Variants in TRPS1 observed in about 807,000 individuals in gnomAD.
TRPS1 encodes zinc finger transcription factor Trps1.
Under a neutral mutation model 101.2 loss-of-function variants are expected in TRPS1, and 6 were observed. That is an observed-to-expected ratio of 0.06 (90% confidence interval 0.03 to 0.12). The LOEUF (loss-of-function observed/expected upper bound fraction) is 0.12, where lower values mean the gene tolerates loss of function less well. TRPS1 is among the 10% of genes least tolerant of loss of function. The pLI is 1.00. For missense variants in TRPS1, 1,363 were observed against 1,567.0 expected, an observed-to-expected ratio of 0.87 and a Z score of 2.20; for synonymous variants, 578 against 589.8, an observed-to-expected ratio of 0.98 and a Z score of 0.29.
intron 5 of TRPS1, among the ~76,000 whole-genome samples, chr8:115,460,630 C>T (rs1346316794): frequency 6.1e-5 from 9 of 147,962 alleles, no homozygotes; most frequent in Admixed American, 6.0e-4. Context: ...AAAGCAGTCA[C>T]TGACATGATC....
intron 5 of TRPS1, among the ~76,000 whole-genome samples, chr8:115,477,617 CATA>C (rs1814638204): frequency 6.6e-6 from 1 of 152,158 alleles, no homozygotes; most frequent in African/African-American, 2.4e-5. Flanking sequence ...AGCTTAGACT[CATA>C]ATGTTAGAAC....
chr8:115,414,452 T>C lies in TRPS1; in HGVS notation c.3456A>G (p.Gln1152=), dbSNP rs371525733. The change falls in exon 7 of 7, where the codon CAA becomes CAG. Residue 1152 remains glutamine, a synonymous_variant. Coordinates refer to ENST00000395715, the MANE Select transcript of TRPS1 (RefSeq NM_014112.5). This position sits in a 1 kb window ranked among gnomAD's most constrained non-coding sequence, Gnocchi z 4.8. The part of the protein sequence containing the change: ...SHVPGLPNPC[Q]NYVPYPTFNL... The stretch of plus-strand genomic sequence containing the variant: ...TGAAGGTGGGATAAGGCACATAGTT[T>C]TGGCAAGGATTTGGTAGGCCAGGCA... The C allele has an allele frequency of 1.1e-5, 17 of 1,613,810 alleles. No individual in the cohort carries two copies. The highest frequency in any genetic ancestry group is 1.4e-5 in the Non-Finnish European group (16 of 1,179,942).
intron 6 of TRPS1, among the ~76,000 whole-genome samples, chr8:115,417,658 A>G (rs566792634): frequency 6.6e-6 from 1 of 152,304 alleles, no homozygotes; most frequent in South Asian, 2.1e-4. Context: ...GAGGAAAAGT[A>G]ATTCAAAGAA....
At position 115,418,653 on chromosome 8, in the gene TRPS1, T is replaced by C. The variant is rs1035546135; in HGVS notation, c.2701-201A>G. 6.6e-6 allele frequency among the ~76,000 whole-genome samples: 1 copy of C among 152,212 alleles called. No homozygotes were observed. The highest frequency in any genetic ancestry group is 1.5e-5 in the Non-Finnish European group (1 of 68,036). On this transcript the variant is annotated intron_variant, in intron 5 of 6. Coordinates refer to ENST00000395715, the MANE Select transcript of TRPS1 (RefSeq NM_014112.5). The surrounding 1 kb of genome is among the most constrained non-coding windows in gnomAD (Gnocchi z 4.3). Reference sequence around the variant, plus strand: ...ATTAACCCTACAGTGATGGATGAGGTGTGTGGAACACCAAAGGCTTTTCAC... The same window carrying C: ...ATTAACCCTACAGTGATGGATGAGGCGTGTGGAACACCAAAGGCTTTTCAC...
At chr8:115,641,744 G>A (rs1436411572) in intron 1 of TRPS1, among the ~76,000 whole-genome samples, 1 of 152,158 alleles carries the variant, frequency 6.6e-6, no homozygotes, top group African/African-American at 2.4e-5. Context: ...GCTGAGCATG[G>A]TGGCGCATGC....
chr8:115,609,072 C>G (rs999189163), intron 3 of TRPS1, among the ~76,000 whole-genome samples: 1 of 152,126 alleles, frequency 6.6e-6, no homozygotes, highest in Non-Finnish European at 1.5e-5. Context: ...GTCTTGAACT[C>G]CTGGGCTCAA....
intron 5 of TRPS1, among the ~76,000 whole-genome samples, chr8:115,462,138 T>C (rs1814196367): frequency 1.3e-5 from 2 of 152,180 alleles, no homozygotes; most frequent in Admixed American, 1.3e-4. Context: ...GGAAATATGA[T>C]CTTACTCTCA....
intron 4 of TRPS1, among the ~76,000 whole-genome samples, chr8:115,592,264 A>C (rs2130458366): frequency 6.6e-6 from 1 of 152,250 alleles, no homozygotes; most frequent in African/African-American, 2.4e-5. Flanking sequence ...CAAAGTCCTC[A>C]AATGACACCA....
intron 4 of TRPS1, among the ~76,000 whole-genome samples, chr8:115,595,340 G>A (rs1388880457): frequency 1.3e-5 from 2 of 151,852 alleles, no homozygotes; most frequent in African/African-American, 2.4e-5. Flanking sequence ...CAGGAACAAA[G>A]ACAAAAACAG....
chr8:115,572,667 A>G (rs771358459), intron 5 of TRPS1, among the ~76,000 whole-genome samples: 13 of 152,202 alleles, frequency 8.5e-5, no homozygotes, highest in Non-Finnish European at 1.5e-4. Flanking sequence ...AATGAATGTT[A>G]GTTAATTTGG....
intron 4 of TRPS1, among the ~76,000 whole-genome samples, chr8:115,593,678 C>G (rs1247857598): frequency 6.6e-6 from 1 of 152,120 alleles, no homozygotes; most frequent in African/African-American, 2.4e-5. Context: ...TTTGGACTCT[C>G]CTCCAACCTA....
intron 1 of TRPS1, among the ~76,000 whole-genome samples, chr8:115,626,599 T>G (rs1040088721): frequency 1.3e-5 from 2 of 151,834 alleles, no homozygotes; most frequent in Admixed American, 6.6e-5. Flanking sequence ...TTGAACATCT[T>G]AAATCTTGTT....
At chr8:115,461,687 T>C (rs1349393660) in intron 5 of TRPS1, among the ~76,000 whole-genome samples, 2 of 152,176 alleles carry the variant, frequency 1.3e-5, no homozygotes, top group Non-Finnish European at 2.9e-5. Context: ...CCTTTTAAGT[T>C]GAAACATATT....
chr8:115,455,323 C>T (rs549016555), intron 5 of TRPS1, among the ~76,000 whole-genome samples: 1 of 152,174 alleles, frequency 6.6e-6, no homozygotes, highest in Non-Finnish European at 1.5e-5. Context: ...TAGGAGTTCA[C>T]GTACTTAATG....
intron 3 of TRPS1, among the ~76,000 whole-genome samples, chr8:115,616,864 A>G (rs1337843127): frequency 6.6e-6 from 1 of 152,204 alleles, no homozygotes; most frequent in African/African-American, 2.4e-5. Context: ...AATCTCTCAA[A>G]TAGCATTTCA....
chr8:115,466,444 T>C (rs532578640), intron 5 of TRPS1, among the ~76,000 whole-genome samples: 27 of 152,292 alleles, frequency 1.8e-4, no homozygotes, highest in African/African-American at 6.0e-4. Flanking sequence ...AGAGCTTGAT[T>C]GTATTTCTGA....
chr8:115,480,488 A>ATT (rs1814724635), intron 5 of TRPS1, among the ~76,000 whole-genome samples: 1 of 152,124 alleles, frequency 6.6e-6, no homozygotes, highest in Non-Finnish European at 1.5e-5. Flanking sequence ...TTAATAAGGC[A>ATT]TGAGAAACCT....
chr8:115,534,574 G>A (rs1816235710), intron 5 of TRPS1, among the ~76,000 whole-genome samples: 1 of 152,204 alleles, frequency 6.6e-6, no homozygotes, highest in Admixed American at 6.5e-5. Flanking sequence ...ATAACACATG[G>A]CAAAGGACTG....
intron 6 of TRPS1, among the ~76,000 whole-genome samples, chr8:115,417,558 TAA>T (rs780193395): frequency 6.8e-6 from 1 of 147,310 alleles, no homozygotes; most frequent in Non-Finnish European, 1.5e-5. Flanking sequence ...CTTGCTAAAC[TAA>T]AAAAAAAAAT....
Sources: gnomAD v4.1 joint callset for allele counts (sites outside exome capture counted in the v4.1 genomes callset) on GRCh38, gnomAD v4.1.1 for gene constraint, Gnocchi (gnomAD v3.1) non-coding constraint, MANE v1.5 for transcripts, NCBI Gene and HGNC (gene_info 2026-07-23, HGNC 2026-07-21) for gene names.